The following NAA60 variants were observed in gnomAD, a reference collection of about 807,000 sequenced individuals.
NAA60 encodes the protein N-alpha-acetyltransferase 60, NatF catalytic subunit.
Under a neutral mutation model 26.1 loss-of-function variants are expected in NAA60, and 8 were observed. The observed-to-expected ratio is 0.31, with a 90% CI of 0.18 to 0.55. The LOEUF (loss-of-function observed/expected upper bound fraction) is 0.55. NAA60 is among the 20% of genes least tolerant of loss of function. The probability of loss-of-function intolerance (pLI) is 0.93; values close to 1 mark genes in which losing one functional copy is unlikely to be tolerated. For synonymous variants in NAA60, 131 were observed against 122.5 expected, an observed-to-expected ratio of 1.07 and a Z score of -0.46; for missense variants, 290 against 311.3, an observed-to-expected ratio of 0.93 and a Z score of 0.51.
Position 3,483,408 on chromosome 16 carries a change from C to T in NAA60, c.383C>T (p.Ala128Val). The change falls in exon 6 of 8, where the codon GCC (alanine) becomes GTC (valine). Residue 128 changes from alanine (A) to valine (V), a missense_variant. By Grantham distance (64) the Ala-to-Val change is moderately conservative. Coordinates refer to ENST00000407558, the MANE Select transcript of NAA60 (RefSeq NM_001083601.3). ...TTAAAGGATCACATATCAACCACCG[C>T]CCAGGACCACTGCAAAGCCATTTAC... ...ESLKDHISTTAQDHCKAIYLH... is the reference protein window; with the variant it reads ...ESLKDHISTTVQDHCKAIYLH... The T allele has an allele frequency of 2.5e-6, 4 of 1,613,752 alleles. No individual in the cohort carries two copies. The highest frequency in any genetic ancestry group is 1.7e-6 in the Non-Finnish European group (2 of 1,179,772).
intron 2 of NAA60, among the ~76,000 whole-genome samples, chr16:3,470,806 A>G (rs1617722): frequency 0.28 from 41,944 of 152,222 alleles, 6,111 homozygotes; most frequent in Non-Finnish European, 0.32. Flanking sequence ...ACCTACAGCC[A>G]TGCTCTTTGA....
Position 3,483,592 on chromosome 16 carries a change from G to T in NAA60, c.567G>T (p.Thr189=), listed in dbSNP as rs369184668. ...LYINGGHPPW[T]ILDYIQHLGS... is the part of the protein sequence containing the mutation. ...TCAACGGCGGCCACCCTCCCTGGAC[G>T]ATTTTATATCCTTAACTTCTGGGGG... is the stretch of plus-strand genomic sequence containing the variant. The change falls in exon 6 of 8, where the codon ACG becomes ACT. Residue 189 remains threonine (T), a synonymous_variant. Coordinates refer to ENST00000407558, the MANE Select transcript of NAA60 (RefSeq NM_001083601.3). 5.6e-6 allele frequency: 9 copies of T among 1,608,376 alleles called. No homozygotes were observed. The highest frequency in any genetic ancestry group is 7.7e-6 in the Non-Finnish European group (9 of 1,176,436).
intron 4 of NAA60, among the ~76,000 whole-genome samples, chr16:3,480,322 C>T (rs192721873): frequency 1.8e-4 from 28 of 152,260 alleles, no homozygotes; most frequent in African/African-American, 6.3e-4. Flanking sequence ...AGGGGCCGGG[C>T]GCAGTGGCTC....
chr16:3,474,701 C>T (rs532345183), intron 2 of NAA60, among the ~76,000 whole-genome samples: 1 of 152,348 alleles, frequency 6.6e-6, no homozygotes, highest in Admixed American at 6.5e-5. Flanking sequence ...GGCTTGCCTC[C>T]ACACCTTGCA....
At chr16:3,465,705 G>T (rs1197023687) in intron 2 of NAA60, among the ~76,000 whole-genome samples, 2 of 152,090 alleles carry the variant, frequency 1.3e-5, no homozygotes, top group African/African-American at 2.4e-5. Context: ...TCAGCCCAGG[G>T]GATGGCACTT....
At chr16:3,484,544 C>T in intron 6 of NAA60, 155 bp from the exon 7 acceptor site, 3 of 998,544 alleles carry the variant, frequency 3.0e-6, no homozygotes, top group Non-Finnish European at 2.9e-6. Flanking sequence ...TCTCATGAGC[C>T]TTTCCAGCTC....
rs753069234 is a variant in NAA60 at position 3,485,480 on chromosome 16, C to G, written c.*220C>G. Reference sequence around the variant, plus strand: ...TCTTTCCCACAGGCTCTTCAGCTCCCCTCCCTGCTTCTGGAAACCTCTGCC... The same window carrying G: ...TCTTTCCCACAGGCTCTTCAGCTCCGCTCCCTGCTTCTGGAAACCTCTGCC... On this transcript the variant is annotated 3_prime_UTR_variant, in exon 8 of 8. Transcript: ENST00000407558. 2.2e-6 allele frequency: 1 copy of G among 457,038 alleles called. No homozygotes were observed. The highest frequency in any genetic ancestry group is 1.5e-5 in the South Asian group (1 of 64,542). 28.3% of individuals were successfully genotyped at this position (457,038 alleles called of 1,614,324 possible).
At chr16:3,466,528 C>CT (rs1344423410) in intron 2 of NAA60, among the ~76,000 whole-genome samples, 4 of 152,352 alleles carry the variant, frequency 2.6e-5, no homozygotes, top group African/African-American at 9.6e-5. Context: ...TGGCCTGTAT[C>CT]TGTCACTAAC....
Position 3,484,848 on chromosome 16 carries a change from C to T in NAA60, c.722C>T (p.Thr241Ile), listed in dbSNP as rs1323190799. 2 of 1,560,232 alleles carry T rather than the reference C, an allele frequency of 1.3e-6. No homozygotes were observed. The highest frequency in any genetic ancestry group is 1.9e-5 in the Admixed American group (1 of 52,260). The change falls in exon 7 of 8, where the codon ACC (threonine) becomes ATC (isoleucine). Residue 241 changes from threonine to isoleucine, a missense_variant. Physicochemically the swap from Thr to Ile is moderately conservative, Grantham distance 89. Transcript: ENST00000407558. ...AAGAGTGGCATCGAGTACAGCCGGA[C>T]CATGTGATGTCGGCTGGGCAGCCGC... The part of the protein sequence containing the change: ...SSKSGIEYSR[T>I]M
intron 2 of NAA60, among the ~76,000 whole-genome samples, chr16:3,464,663 C>T (rs1272029589): frequency 6.6e-6 from 1 of 152,144 alleles, no homozygotes; most frequent in Non-Finnish European, 1.5e-5. Context: ...CAAGTAAATA[C>T]GTTTTACTAT....
intron 2 of NAA60, chr16:3,450,037 AG>A (rs1404170115): frequency 1.9e-5 from 6 of 314,200 alleles, no homozygotes; most frequent in South Asian, 3.2e-4. Flanking sequence ...TCTCAAAAAA[AG>A]AGAAAAGAAG....
At chr16:3,459,478 G>A (rs1410251018) in intron 2 of NAA60, among the ~76,000 whole-genome samples, 1 of 152,194 alleles carries the variant, frequency 6.6e-6, no homozygotes, top group Non-Finnish European at 1.5e-5. Flanking sequence ...GAAACTCGAG[G>A]GAGACTGCTG....
chr16:3,466,800 G>A (rs2035794472), intron 2 of NAA60, among the ~76,000 whole-genome samples: 1 of 152,196 alleles, frequency 6.6e-6, no homozygotes. Context: ...CCTGGAGTTT[G>A]GGGTGGGGAT....
chr16:3,445,074 G>A (rs2034494526), intron 1 of NAA60, among the ~76,000 whole-genome samples: 1 of 152,218 alleles, frequency 6.6e-6, no homozygotes. Flanking sequence ...AGAGGTAGCT[G>A]TGAAGTCCCA....
rs778177727 is a variant in NAA60, at chr16:3,476,211, C to T, written c.-6-11C>T. The T allele has an allele frequency of 3.1e-6, 5 of 1,591,158 alleles. No homozygotes were observed. Among genetic ancestry groups the T allele is most frequent in the South Asian group, 1.1e-5 (1 of 89,142 alleles). On this transcript the variant is annotated splice_polypyrimidine_tract_variant and intron_variant, in intron 2 of 7. Coordinates refer to ENST00000407558, the MANE Select transcript of NAA60 (RefSeq NM_001083601.3). ...TGTGAGGTGACGCGTCCCCCCCACC[C>T]TTCCCCACAGGTGTGAATGACAGAG...
At chr16:3,461,443 T>C (rs955549955) in intron 2 of NAA60, among the ~76,000 whole-genome samples, 1 of 152,130 alleles carries the variant, frequency 6.6e-6, no homozygotes, top group African/African-American at 2.4e-5. Context: ...CAAGGGCCAC[T>C]CCCTAGTCCC....
At chr16:3,461,613 A>T (rs955506325) in intron 2 of NAA60, among the ~76,000 whole-genome samples, 3 of 152,060 alleles carry the variant, frequency 2.0e-5, no homozygotes, top group African/African-American at 7.2e-5. Context: ...GGACTCTTAA[A>T]CCCCCATACA....
intron 2 of NAA60, chr16:3,448,822 G>T (rs1567360802): frequency 3.4e-6 from 1 of 296,350 alleles, no homozygotes. Context: ...TCAGTCTCTT[G>T]TGAGTCTGAT....
chr16:3,484,012 CT>C (rs1567402522), intron 6 of NAA60, among the ~76,000 whole-genome samples: 1 of 152,156 alleles, frequency 6.6e-6, no homozygotes, highest in African/African-American at 2.4e-5. Flanking sequence ...GAGATTTTTA[CT>C]TTTTTTGAAT....
Sources: allele counts gnomAD v4.1 joint callset (sites outside exome capture counted in the v4.1 genomes callset), GRCh38; gene constraint gnomAD v4.1.1; transcripts MANE v1.5; gene names NCBI Gene and HGNC (gene_info 2026-07-23, HGNC 2026-07-21).